The following HNRNPC variants were observed in gnomAD, a reference collection of about 807,000 sequenced individuals.
HNRNPC encodes the protein heterogeneous nuclear ribonucleoproteins C1/C2.
HNRNPC carries 3 observed loss-of-function variants against 33.2 expected under a neutral mutation model. That is an observed-to-expected ratio of 0.09 (90% CI 0.04 to 0.23). The LOEUF is 0.23. HNRNPC is among the 10% of genes least tolerant of loss of function. The pLI is 1.00. For synonymous variants in HNRNPC, 121 were observed against 126.7 expected, an observed-to-expected ratio of 0.96 and a Z score of 0.30; for missense variants, 143 against 366.7, an observed-to-expected ratio of 0.39 and a Z score of 4.98.
intron 5 of HNRNPC, among the ~76,000 whole-genome samples, chr14:21,219,281 G>C (rs1258777929): frequency 6.6e-6 from 1 of 152,128 alleles, no homozygotes; most frequent in Non-Finnish European, 1.5e-5. Context: ...AGAGAACTGG[G>C]AACTATTTCT....
chr14:21,227,725 A>G (rs904318826), intron 5 of HNRNPC, among the ~76,000 whole-genome samples: 1 of 152,210 alleles, frequency 6.6e-6, no homozygotes, highest in Non-Finnish European at 1.5e-5. Context: ...CAAATTTTCA[A>G]ATTTCCCCAT....
intron 2 of HNRNPC, among the ~76,000 whole-genome samples, chr14:21,256,938 G>A (rs1422576197): frequency 6.6e-6 from 1 of 152,046 alleles, no homozygotes; most frequent in Non-Finnish European, 1.5e-5. Context: ...ACAGGCCTGA[G>A]CTACCACACC....
chr14:21,223,377 A>C (rs1328842592), intron 5 of HNRNPC, among the ~76,000 whole-genome samples: 7 of 152,132 alleles, frequency 4.6e-5, no homozygotes, highest in Non-Finnish European at 1.0e-4. Flanking sequence ...ACAAAGAAAT[A>C]TCTCCCACCT....
intron 2 of HNRNPC, chr14:21,262,773 C>G (rs1357040047): frequency 6.6e-6 from 1 of 152,074 alleles, no homozygotes; most frequent in Non-Finnish European, 1.5e-5. Context: ...AGATGGCTTT[C>G]AGGGAAAATG....
intron 5 of HNRNPC, among the ~76,000 whole-genome samples, chr14:21,225,803 T>C (rs1594229468): frequency 6.6e-6 from 1 of 152,312 alleles, no homozygotes; most frequent in East Asian, 1.9e-4. Context: ...GTGGTTTTTA[T>C]TAGTTCTGCA....
At chr14:21,257,196 T>C (rs934355083) in intron 2 of HNRNPC, among the ~76,000 whole-genome samples, 2 of 152,194 alleles carry the variant, frequency 1.3e-5, no homozygotes, top group Non-Finnish European at 2.9e-5. Flanking sequence ...AAGAAAAGTA[T>C]AGGCTGTTGA....
intron 2 of HNRNPC, among the ~76,000 whole-genome samples, chr14:21,261,971 CTA>C (rs1470467363): frequency 6.6e-6 from 1 of 152,178 alleles, no homozygotes; most frequent in Non-Finnish European, 1.5e-5. Flanking sequence ...CATTAGAACT[CTA>C]TGAATTCACA....
At chr14:21,246,185 T>A (rs1895959590) in intron 2 of HNRNPC, among the ~76,000 whole-genome samples, 2 of 152,018 alleles carry the variant, frequency 1.3e-5, no homozygotes, top group South Asian at 4.1e-4. Flanking sequence ...AAAACATCTA[T>A]GCAGCACACG....
At chr14:21,211,977 T>C in intron 6 of HNRNPC, 54 bp from the exon 7 acceptor site, 1 of 1,353,606 alleles carries the variant, frequency 7.4e-7, no homozygotes, top group Non-Finnish European at 1.1e-6. Flanking sequence ...AGATATGAGT[T>C]AGCAAATACA....
intron 5 of HNRNPC, among the ~76,000 whole-genome samples, chr14:21,215,828 G>A (rs2874059): frequency 0.16 from 23,754 of 150,386 alleles, 2,133 homozygotes; most frequent in Admixed American, 0.24. Flanking sequence ...GAATCTGGAA[G>A]GCAGAGGTTG....
chr14:21,212,862 T>C, intron 6 of HNRNPC, 98 bp downstream of exon 6: 1 of 1,453,256 alleles, frequency 6.9e-7, no homozygotes, highest in Non-Finnish European at 9.6e-7. Context: ...TTATTTTGAA[T>C]ACACAAAGTC....
At chr14:21,249,500 T>C (rs538533821) in intron 2 of HNRNPC, among the ~76,000 whole-genome samples, 4 of 150,300 alleles carry the variant, frequency 2.7e-5, no homozygotes, top group Admixed American at 2.0e-4. Context: ...GGCTAGAGAA[T>C]TGCTTGAACC....
intron 1 of HNRNPC, among the ~76,000 whole-genome samples, chr14:21,267,735 C>T (rs1224935790): frequency 6.6e-6 from 1 of 152,074 alleles, no homozygotes; most frequent in Non-Finnish European, 1.5e-5. Context: ...ACATACTGAC[C>T]GGAAGGAACC....
intron 2 of HNRNPC, among the ~76,000 whole-genome samples, chr14:21,257,930 C>T (rs1298291714): frequency 1.3e-5 from 2 of 152,146 alleles, no homozygotes; most frequent in Admixed American, 6.5e-5. Flanking sequence ...AACATTTTAC[C>T]AAGATACATC....
intron 5 of HNRNPC, among the ~76,000 whole-genome samples, chr14:21,220,259 CAG>C (rs1226397913): frequency 7.1e-6 from 1 of 140,672 alleles, no homozygotes; most frequent in Non-Finnish European, 1.5e-5. Flanking sequence ...TTTTTGGAGA[CAG>C]AGTTTTGCTC....
chr14:21,248,682 C>G (rs1172669077), intron 2 of HNRNPC, among the ~76,000 whole-genome samples: 2 of 152,130 alleles, frequency 1.3e-5, no homozygotes, highest in Non-Finnish European at 2.9e-5. Context: ...TAAATTAAAC[C>G]AAGTACCATG....
chr14:21,265,711 G>C (rs1878861710), intron 1 of HNRNPC, among the ~76,000 whole-genome samples: 1 of 152,232 alleles, frequency 6.6e-6, no homozygotes, highest in Non-Finnish European at 1.5e-5. Flanking sequence ...CCGGGAGGCA[G>C]AGGGTGCAGT....
At chr14:21,248,633 T>C (rs1328089762) in intron 2 of HNRNPC, among the ~76,000 whole-genome samples, 1 of 152,046 alleles carries the variant, frequency 6.6e-6, no homozygotes, top group Non-Finnish European at 1.5e-5. Flanking sequence ...ATACTAAAGG[T>C]ATATGAAGAT....
intron 2 of HNRNPC, among the ~76,000 whole-genome samples, chr14:21,239,163 AT>A: frequency 6.6e-6 from 1 of 152,298 alleles, no homozygotes; most frequent in Admixed American, 6.5e-5. Flanking sequence ...TCCAGCCTCC[AT>A]TATTTGTAAA....
Sources: gnomAD v4.1 joint callset for allele counts (sites outside exome capture counted in the v4.1 genomes callset) on GRCh38, gnomAD v4.1.1 for gene constraint, MANE v1.5 for transcripts, NCBI Gene and HGNC (gene_info 2026-07-23, HGNC 2026-07-21) for gene names.